MAPK14: variants seen among roughly 807,000 people sequenced by gnomAD.
MAPK14 encodes the protein CSAID-binding protein.
A neutral mutation model predicts 49.6 loss-of-function variants in MAPK14; 16 were observed. The observed-to-expected ratio is 0.32, with a 90% confidence interval of 0.22 to 0.49. The LOEUF (loss-of-function observed/expected upper bound fraction) is 0.49. Among genes scored for constraint, MAPK14 ranks in the 20% least tolerant of loss-of-function variants. The pLI, the probability that MAPK14 is intolerant of heterozygous loss-of-function variation, is 0.99. For missense variants in MAPK14, 200 were observed against 441.2 expected (o/e 0.45, Z 4.90); for synonymous variants, 142 against 158.0 (o/e 0.90, Z 0.76).
chr6:36,087,138 A>G (rs1765017582), intron 8 of MAPK14, among the ~76,000 whole-genome samples: 1 of 152,200 alleles, frequency 6.6e-6, no homozygotes, highest in African/African-American at 2.4e-5. Flanking sequence ...TGTTGATGGA[A>G]CATACCTCAA....
In MAPK14 at chr6:36,073,888, T is replaced by C. The variant is rs572641940; in HGVS notation, c.448-161T>C. Among the ~76,000 whole-genome samples the C allele has an allele frequency of 5.3e-5, 8 of 152,328 alleles. No individual in the cohort carries two copies. In the South Asian group the frequency reaches 1.5e-3, roughly 28 times the overall value. Reference sequence around the variant, plus strand: ...AGAAAGAAGATGTGTAGTTTTTTTCTATGTAAGGCTAACTTGGACTGGATA... The same window carrying C: ...AGAAAGAAGATGTGTAGTTTTTTTCCATGTAAGGCTAACTTGGACTGGATA... On this transcript the variant is annotated intron_variant, in intron 5 of 11. Coordinates refer to ENST00000229794, the MANE Select transcript of MAPK14 (RefSeq NM_139012.3).
chr6:36,093,920 C>A (rs987400517), intron 8 of MAPK14, among the ~76,000 whole-genome samples: 3 of 152,096 alleles, frequency 2.0e-5, no homozygotes, highest in Admixed American at 2.0e-4. Flanking sequence ...GGTGGCTACC[C>A]AGTTAAATAT....
At chr6:36,049,042 G>A (rs374126558) in intron 1 of MAPK14, among the ~76,000 whole-genome samples, 2 of 152,180 alleles carry the variant, frequency 1.3e-5, no homozygotes, top group African/African-American at 2.4e-5. Flanking sequence ...AAAACCAATG[G>A]AAGTGTTGAT....
intron 9 of MAPK14, chr6:36,096,357 A>G (rs750162345): frequency 1.0e-5 from 3 of 290,630 alleles, no homozygotes; most frequent in African/African-American, 2.2e-5. Context: ...ATTCTAATTC[A>G]TTCCAAGAGA....
At chr6:36,055,118 C>T (rs2127420551) in intron 2 of MAPK14, among the ~76,000 whole-genome samples, 1 of 152,306 alleles carries the variant, frequency 6.6e-6, no homozygotes, top group East Asian at 1.9e-4. Context: ...TTGGACCATT[C>T]CTGATTGAAC....
At chr6:36,043,143 G>T (rs1433400425) in intron 1 of MAPK14, among the ~76,000 whole-genome samples, 4 of 151,852 alleles carry the variant, frequency 2.6e-5, no homozygotes, top group Admixed American at 1.3e-4. Flanking sequence ...AATTAAAAAT[G>T]AAAGTAAGTT....
At chr6:36,091,845 T>C (rs928800695) in intron 8 of MAPK14, 1 of 137,186 alleles carries the variant, frequency 7.3e-6, no homozygotes, top group African/African-American at 2.8e-5. Flanking sequence ...TTTTCTTTTC[T>C]TTTTTTTTTT....
At chr6:36,071,802 A>C (rs1308992179) in intron 3 of MAPK14, among the ~76,000 whole-genome samples, 1 of 152,220 alleles carries the variant, frequency 6.6e-6, no homozygotes, top group Non-Finnish European at 1.5e-5. Context: ...CAAGAATAAC[A>C]TTTGTAAGAA....
chr6:36,046,342 T>G (rs1026192764), intron 1 of MAPK14, among the ~76,000 whole-genome samples: 1 of 152,244 alleles, frequency 6.6e-6, no homozygotes, highest in Non-Finnish European at 1.5e-5. Context: ...TTGGAGAACC[T>G]GTTTATCATA....
the MAPK14 span, among the ~76,000 whole-genome samples, chr6:36,123,722 C>G: frequency 6.6e-6 from 1 of 152,152 alleles, no homozygotes; most frequent in African/African-American, 2.4e-5. Flanking sequence ...TCACAGGAGA[C>G]AATGCAGATT....
chr6:36,084,469 T>C (rs921627634), intron 8 of MAPK14, among the ~76,000 whole-genome samples: 6 of 152,176 alleles, frequency 3.9e-5, no homozygotes, highest in African/African-American at 1.4e-4. Context: ...TTACAGGAGC[T>C]GTTAACCAGA....
intron 7 of MAPK14, 52 bp downstream of exon 7, chr6:36,076,014 A>G (rs1226732587): frequency 6.3e-7 from 1 of 1,581,658 alleles, no homozygotes; most frequent in Non-Finnish European, 8.7e-7. Context: ...TGTTGGATGC[A>G]TTTGGGATTC....
downstream of MAPK14, among the ~76,000 whole-genome samples, chr6:36,113,343 TAA>T (rs35876911): frequency 8.5e-3 from 613 of 71,696 alleles, 1 homozygote; most frequent in African/African-American, 0.024. Flanking sequence ...CCCTGTCTCA[TAA>T]AAAAAAAAAA....
At chr6:36,065,051 A>G (rs139142168) in intron 3 of MAPK14, among the ~76,000 whole-genome samples, 129 of 152,298 alleles carry the variant, frequency 8.5e-4, no homozygotes, top group African/African-American at 2.9e-3. Flanking sequence ...ACATACCTAC[A>G]TGACTGTCTC....
At chr6:36,084,624 A>G (rs1455273424) in intron 8 of MAPK14, among the ~76,000 whole-genome samples, 1 of 151,928 alleles carries the variant, frequency 6.6e-6, no homozygotes, top group Non-Finnish European at 1.5e-5. Flanking sequence ...CTGACAAGAT[A>G]AGAGAAGAAT....
intron 6 of MAPK14, 56 bp downstream of exon 6, chr6:36,074,152 CT>C: frequency 7.1e-7 from 1 of 1,399,564 alleles, no homozygotes; most frequent in Admixed American, 1.7e-5. Flanking sequence ...ATATGTTTGA[CT>C]AAGCAGGCAG....
intron 3 of MAPK14, among the ~76,000 whole-genome samples, chr6:36,061,427 C>T (rs1763816781): frequency 6.6e-6 from 1 of 152,200 alleles, no homozygotes. Flanking sequence ...GACCCAGCAA[C>T]TACAAATCTA....
chr6:36,115,119 C>T (rs1207760895), downstream of MAPK14, among the ~76,000 whole-genome samples: 1 of 152,136 alleles, frequency 6.6e-6, no homozygotes, highest in Non-Finnish European at 1.5e-5. Flanking sequence ...GTACGCATAG[C>T]CAGTGGGATA....
intron 8 of MAPK14, among the ~76,000 whole-genome samples, chr6:36,090,332 T>G (rs1581828030): frequency 1.3e-5 from 2 of 149,428 alleles, no homozygotes. Context: ...TACTCTTTCT[T>G]TTTTTTTTTG....
Sources: allele counts gnomAD v4.1 joint callset (sites outside exome capture counted in the v4.1 genomes callset), GRCh38; gene constraint gnomAD v4.1.1; transcripts MANE v1.5; gene names NCBI Gene and HGNC (gene_info 2026-07-23, HGNC 2026-07-21).